The following SERPINH1 variants were observed in gnomAD, a reference collection of about 807,000 sequenced individuals.
The protein encoded by SERPINH1 is serpin family H member 1, also known as serpin H1.
SERPINH1 carries 22 observed loss-of-function variants against 32.3 expected under a neutral mutation model. The ratio of observed to expected loss-of-function variants is 0.68; its 90% CI spans 0.49 to 0.97. The LOEUF (loss-of-function observed/expected upper bound fraction) is 0.97. Among genes scored for constraint, SERPINH1 ranks in the 50% least tolerant of loss-of-function variants. SERPINH1 has a pLI of 0.00. For synonymous variants in SERPINH1, 251 were observed against 245.9 expected (o/e 1.02, Z -0.19); for missense variants, 543 against 576.4 (o/e 0.94, Z 0.59).
At chr11:75,565,603 G>T (rs529938189) in intron 1 of SERPINH1, among the ~76,000 whole-genome samples, 27 of 99,338 alleles carry the variant, frequency 2.7e-4, no homozygotes, top group African/African-American at 8.8e-4. Flanking sequence ...GACTGAGGCT[G>T]AGTGGACACA....
chr11:75,570,161 G>A (rs182206660), intron 4 of SERPINH1, among the ~76,000 whole-genome samples: 79 of 152,142 alleles, frequency 5.2e-4, no homozygotes, highest in Middle Eastern at 3.4e-3. Context: ...TTTGTCAATC[G>A]AGAGATATTT....
intron 1 of SERPINH1, 43 bp from the exon 2 acceptor site, chr11:75,566,273 G>A: frequency 1.3e-6 from 2 of 1,528,250 alleles, no homozygotes; most frequent in South Asian, 2.4e-5. Flanking sequence ...TGGGGAGGAA[G>A]GCCTTGGGCT....
chr11:75,565,454 G>T (rs576452570), intron 1 of SERPINH1, among the ~76,000 whole-genome samples: 21 of 152,308 alleles, frequency 1.4e-4, no homozygotes, highest in African/African-American at 4.8e-4. Flanking sequence ...GTCTTCAAAG[G>T]AGTTGGTCCC....
rs1942156124 is a variant in SERPINH1, at chr11:75,569,253, G to A, written c.954+82G>A. The A allele has an allele frequency of 3.9e-6, 4 of 1,032,198 alleles. No individual in the cohort carries two copies. In the East Asian group the frequency reaches 1.0e-4, roughly 27 times the overall value. 63.9% of individuals were successfully genotyped at this position (1,032,198 alleles called of 1,614,324 possible). ...GGGGGACCCACTCACCAATTCAGCA[G>A]GTCTGTCCCAAGACCCCCTGGATGT... On this transcript the variant is annotated intron_variant, in intron 4 of 4. Coordinates refer to ENST00000358171, the MANE Select transcript of SERPINH1 (RefSeq NM_001235.5).
chr11:75,565,147 A>G lies in SERPINH1; in HGVS notation c.-34-1169A>G, dbSNP rs760643849. Among the ~76,000 whole-genome samples the G allele has an allele frequency of 7.9e-5, 12 of 152,348 alleles. 1 individual carries two copies. Among genetic ancestry groups the G allele is most frequent in the Non-Finnish European group, 1.6e-4 (11 of 68,028 alleles). On this transcript the variant is annotated intron_variant, in intron 1 of 4. Coordinates refer to ENST00000358171, the MANE Select transcript of SERPINH1 (RefSeq NM_001235.5). ...AGAGACTGTCCAAATTGGAGGCCCCAGAGAGGGAACTGGGGCTTGTCCTTG... is the reference window on the plus strand; with the variant it reads ...AGAGACTGTCCAAATTGGAGGCCCCGGAGAGGGAACTGGGGCTTGTCCTTG...
rs1592200068 is a variant in SERPINH1 at position 75,566,438 on chromosome 11, C to T, written c.89C>T (p.Pro30Leu). The change falls in exon 2 of 5, where the codon CCT (proline) becomes CTT (leucine). Residue 30 changes from proline (P) to leucine (L), a missense_variant. Pro to Leu is a moderately conservative substitution (Grantham distance 98, BLOSUM62 -3). Transcript: ENST00000358171. Reference protein sequence around the residue: ...EVKKPAAAAAPGTAEKLSPKA... With the variant: ...EVKKPAAAAALGTAEKLSPKA... ...AAGAAACCTGCAGCCGCAGCAGCTC[C>T]TGGCACTGCGGAGAAGTTGAGCCCC... 6.2e-6 allele frequency: 10 copies of T among 1,612,186 alleles called. No individual in the cohort carries two copies. The highest frequency in any genetic ancestry group is 8.5e-6 in the Non-Finnish European group (10 of 1,179,764).
At position 75,566,673 on chromosome 11, in the gene SERPINH1, C is replaced by A. The variant is rs1374924761; in HGVS notation, c.324C>A (p.His108Gln). Residue 108 changes from histidine to glutamine, a missense_variant, in exon 2 of 5, where the codon CAC becomes CAA. By Grantham distance (24) the His-to-Gln change is conservative. Transcript: ENST00000358171. The stretch of plus-strand genomic sequence containing the variant: ...AGCAGCTGCGCGACGAGGAGGTGCA[C>A]GCCGGCCTGGGCGAGCTGCTGCGCT... ...SAEQLRDEEVHAGLGELLRSL... is the reference protein window; with the variant it reads ...SAEQLRDEEVQAGLGELLRSL... 6.2e-7 allele frequency: 1 copy of A among 1,608,618 alleles called. No individual in the cohort carries two copies. The highest frequency in any genetic ancestry group is 8.5e-7 in the Non-Finnish European group (1 of 1,178,234).
Position 75,566,869 on chromosome 11 carries a change from A to C in SERPINH1, c.520A>C (p.Asn174His). ...RDKRSALQSI[N>H]EWAAQTTDGK... ...CAAGCGCAGCGCGCTGCAGTCCATC[A>C]ACGAGTGGGCCGCGCAGACCACCGA... Residue 174 changes from asparagine (N) to histidine (H), a missense_variant, in exon 2 of 5, where the codon AAC (asparagine) becomes CAC (histidine). Physicochemically the swap from Asn to His is moderately conservative, Grantham distance 68. This residue lies in a region of SERPINH1 where 427 missense variants were observed against 446.4 expected (regional missense o/e 0.96). Coordinates refer to ENST00000358171, the MANE Select transcript of SERPINH1 (RefSeq NM_001235.5). The C allele has an allele frequency of 6.2e-7, 1 of 1,611,114 alleles. No homozygotes were observed. The highest frequency in any genetic ancestry group is 8.5e-7 in the Non-Finnish European group (1 of 1,179,950).
Position 75,566,644 on chromosome 11 carries a change from G to A in SERPINH1, c.295G>A (p.Ala99Thr), listed in dbSNP as rs771330167. ...TASQAKAVLSAEQLRDEEVHA... is the reference protein window; with the variant it reads ...TASQAKAVLSTEQLRDEEVHA... Reference sequence around the variant, plus strand: ...GTCGCAGGCCAAGGCAGTGCTGAGCGCCGAGCAGCTGCGCGACGAGGAGGT... The same window carrying A: ...GTCGCAGGCCAAGGCAGTGCTGAGCACCGAGCAGCTGCGCGACGAGGAGGT... Residue 99 changes from alanine (A) to threonine (T), a missense_variant, in exon 2 of 5, where the codon GCC becomes ACC. Physicochemically the swap from Ala to Thr is moderately conservative, Grantham distance 58. Transcript: ENST00000358171. 2 of 1,607,786 alleles carry A rather than the reference G, an allele frequency of 1.2e-6. No individual in the cohort carries two copies. The highest frequency in any genetic ancestry group is 1.3e-5 in the African/African-American group (1 of 74,958).
chr11:75,571,857 A>C lies in SERPINH1; in HGVS notation c.1031A>C (p.Lys344Thr). The C allele has an allele frequency of 6.2e-7, 1 of 1,614,202 alleles. No individual in the cohort carries two copies. The highest frequency in any genetic ancestry group is 2.2e-5 in the East Asian group (1 of 44,882). The change falls in exon 5 of 5, where the codon AAG becomes ACG. Residue 344 changes from lysine (K) to threonine (T), a missense_variant. Physicochemically the swap from Lys to Thr is moderately conservative, Grantham distance 78. Around this residue, in one of 3 missense-constraint regions of SERPINH1, gnomAD observed 427 missense variants for 446.4 expected, o/e 0.96. Transcript: ENST00000358171. ...GACTTGTCACGCATGTCAGGCAAGA[A>C]GGACCTGTACCTGGCCAGCGTGTTC... ...KADLSRMSGK[K>T]DLYLASVFHA...
intron 4 of SERPINH1, among the ~76,000 whole-genome samples, chr11:75,569,883 G>A (rs1029482948): frequency 2.0e-5 from 3 of 152,090 alleles, no homozygotes; most frequent in East Asian, 3.9e-4. Flanking sequence ...GCTAACCCTC[G>A]GTCACTGCAC....
At position 75,568,932 on chromosome 11, in the gene SERPINH1, C is replaced by T. The variant is rs1309322777; in HGVS notation, c.722-7C>T. The T allele has an allele frequency of 1.9e-6, 3 of 1,613,572 alleles. No homozygotes were observed. The highest frequency in any genetic ancestry group is 2.2e-5 in the South Asian group (2 of 91,068). On this transcript the variant is annotated splice_polypyrimidine_tract_variant and splice_region_variant and intron_variant, in intron 3 of 4. Coordinates refer to ENST00000358171, the MANE Select transcript of SERPINH1 (RefSeq NM_001235.5). Reference sequence around the variant, plus strand: ...GGTGCCCAGTGTCCTTTCCGCTCCTCTCCCAGGCCTCTACAACTACTACGA... The same window carrying T: ...GGTGCCCAGTGTCCTTTCCGCTCCTTTCCCAGGCCTCTACAACTACTACGA...
Position 75,566,446 on chromosome 11 carries a change from G to C in SERPINH1, c.97G>C (p.Ala33Pro), listed in dbSNP as rs150061926. The part of the protein sequence containing the change: ...KPAAAAAPGT[A>P]EKLSPKAATL... ...TGCAGCCGCAGCAGCTCCTGGCACTGCGGAGAAGTTGAGCCCCAAGGCGGC... is the reference window on the plus strand; with the variant it reads ...TGCAGCCGCAGCAGCTCCTGGCACTCCGGAGAAGTTGAGCCCCAAGGCGGC... The change falls in exon 2 of 5, where the codon GCG becomes CCG. Residue 33 changes from alanine (A) to proline (P), a missense_variant. Ala to Pro is a conservative substitution (Grantham distance 27). This residue lies in a region of SERPINH1 where 109 missense variants were observed against 102.4 expected (regional missense o/e 1.06). Coordinates refer to ENST00000358171, the MANE Select transcript of SERPINH1 (RefSeq NM_001235.5). 7.9e-5 allele frequency: 127 copies of C among 1,612,260 alleles called. No individual in the cohort carries two copies. In the African/African-American group the frequency reaches 1.6e-3, roughly 20 times the overall value.
rs6704 is a variant in SERPINH1, at chr11:75,572,608, C to A, written c.*525C>A. 57,501 of 176,754 alleles carry A rather than the reference C, an allele frequency of 0.33. 9,686 individuals carry two copies. The highest frequency in any genetic ancestry group is 0.47 in the South Asian group (3,484 of 7,426). The allele number at this position is 176,754 out of a possible 1,614,324, so 10.9% of individuals were successfully genotyped here. ...GGAGCTCCCAGGAGGGGCTTCTGGGCAGACTCTGGTCAAGAAGCATCGTGT... is the reference window on the plus strand; with the variant it reads ...GGAGCTCCCAGGAGGGGCTTCTGGGAAGACTCTGGTCAAGAAGCATCGTGT... On this transcript the variant is annotated 3_prime_UTR_variant, in exon 5 of 5. Coordinates refer to ENST00000358171, the MANE Select transcript of SERPINH1 (RefSeq NM_001235.5).
rs1011028573 is a variant in SERPINH1, at chr11:75,566,818, G to A, written c.469G>A (p.Glu157Lys). 4.3e-6 allele frequency: 7 copies of A among 1,613,092 alleles called. No individual in the cohort carries two copies. Among genetic ancestry groups the A allele is most frequent in the East Asian group, 4.5e-5 (2 of 44,876 alleles). ...VRSSKQHYNC[E>K]HSKINFRDKR... is the part of the protein sequence containing the mutation. ...CAGCAGCAAGCAGCACTACAACTGCGAGCACTCCAAGATCAACTTCCGCGA... is the reference window on the plus strand; with the variant it reads ...CAGCAGCAAGCAGCACTACAACTGCAAGCACTCCAAGATCAACTTCCGCGA... Residue 157 changes from glutamate (E) to lysine (K), a missense_variant, in exon 2 of 5, where the codon GAG becomes AAG. Glu to Lys is a moderately conservative substitution (Grantham distance 56). Around this residue, in one of 3 missense-constraint regions of SERPINH1, gnomAD observed 427 missense variants for 446.4 expected, o/e 0.96. Coordinates refer to ENST00000358171, the MANE Select transcript of SERPINH1 (RefSeq NM_001235.5).
At chr11:75,565,167 T>C (rs999993802) in intron 1 of SERPINH1, among the ~76,000 whole-genome samples, 1 of 152,292 alleles carries the variant, frequency 6.6e-6, no homozygotes, top group African/African-American at 2.4e-5. Context: ...CTGGGGCTTG[T>C]CCTTGGGGCC....
chr11:75,566,167 G>T, intron 1 of SERPINH1, 149 bp from the exon 2 acceptor site: 1 of 683,424 alleles, frequency 1.5e-6, no homozygotes, highest in Non-Finnish European at 2.5e-6. Context: ...CTGAGAGGCT[G>T]GCAGCTCTGA....
At chr11:75,570,551 G>C (rs898322530) in intron 4 of SERPINH1, among the ~76,000 whole-genome samples, 4 of 152,194 alleles carry the variant, frequency 2.6e-5, no homozygotes, top group Non-Finnish European at 4.4e-5. Context: ...CGGATGACGT[G>C]TGCAAGGTCA....
chr11:75,572,412 C>G lies in SERPINH1; in HGVS notation c.*329C>G. Reference sequence around the variant, plus strand: ...TATTTATAGCCAGGTACCTTCTCACCTGTGAGACCAAATTGAGCTAGGGGG... The same window carrying G: ...TATTTATAGCCAGGTACCTTCTCACGTGTGAGACCAAATTGAGCTAGGGGG... On this transcript the variant is annotated 3_prime_UTR_variant, in exon 5 of 5. Transcript: ENST00000358171. 2.5e-6 allele frequency: 1 copy of G among 397,200 alleles called. No individual in the cohort carries two copies. The highest frequency in any genetic ancestry group is 4.8e-6 in the Non-Finnish European group (1 of 208,682). The allele number at this position is 397,200 out of a possible 1,614,324, so 24.6% of individuals were successfully genotyped here. A position where few individuals can be genotyped will look rare whatever the true frequency, so the allele number is the denominator to read the frequency against.
Sources: allele counts gnomAD v4.1 joint callset (sites outside exome capture counted in the v4.1 genomes callset), GRCh38; gene constraint gnomAD v4.1.1; regional missense constraint gnomAD v4.1.1; transcripts MANE v1.5; gene names NCBI Gene and HGNC (gene_info 2026-07-23, HGNC 2026-07-21).